PPIL4: variants seen among roughly 807,000 people sequenced by gnomAD.
PPIL4 encodes peptidylprolyl isomerase like 4, also known as peptidyl-prolyl cis-trans isomerase-like 4.
A neutral mutation model predicts 69.1 loss-of-function variants in PPIL4; 50 were observed. The ratio of observed to expected loss-of-function variants is 0.72; its 90% CI spans 0.58 to 0.92. PPIL4 has a LOEUF of 0.92. PPIL4 is among the 40% of genes least tolerant of loss of function. The pLI is 0.00. For missense variants in PPIL4, 480 were observed against 587.9 expected (o/e 0.82, Z 1.90); for synonymous variants, 193 against 191.6 (o/e 1.01, Z -0.06).
At chr6:149,529,177 A>ATG (rs1370798540) in intron 7 of PPIL4, among the ~76,000 whole-genome samples, 1 of 151,874 alleles carries the variant, frequency 6.6e-6, no homozygotes, top group African/African-American at 2.4e-5. Context: ...ATAGTGAGCT[A>ATG]TGACAGCACC....
At chr6:149,538,783 C>A (rs1471160267) in intron 4 of PPIL4, among the ~76,000 whole-genome samples, 23 of 151,750 alleles carry the variant, frequency 1.5e-4, no homozygotes. Flanking sequence ...ATGCTGCAAT[C>A]TCATGATCAA....
rs190030670 is a variant in PPIL4 at position 149,544,638 on chromosome 6, G to C, written c.70+1298C>G. 4.6e-5 allele frequency among the ~76,000 whole-genome samples: 7 copies of C among 152,308 alleles called. No homozygotes were observed. The East Asian group carries it at 1.4e-3, about 29-fold the overall frequency. Reference sequence around the variant, plus strand: ...CAGGTAACTCTGCTTAGAAAGGAGGGAGAGCTTCAAAGAAGAGATGATGCT... The same window carrying C: ...CAGGTAACTCTGCTTAGAAAGGAGGCAGAGCTTCAAAGAAGAGATGATGCT... On this transcript the variant is annotated intron_variant, in intron 1 of 12. Transcript: ENST00000253329.
chr6:149,511,058 C>G (rs758040684), intron 12 of PPIL4, among the ~76,000 whole-genome samples: 4 of 151,966 alleles, frequency 2.6e-5, no homozygotes, highest in Non-Finnish European at 4.4e-5. Context: ...ACAGCAAATC[C>G]TTGACTCTGC....
chr6:149,542,800 T>C (rs925115005), intron 1 of PPIL4, among the ~76,000 whole-genome samples: 11 of 152,164 alleles, frequency 7.2e-5, no homozygotes, highest in African/African-American at 1.4e-4. Context: ...TGGAAGACTA[T>C]GAAAAGGCCT....
chr6:149,536,993 G>C (rs1562262044), intron 4 of PPIL4, among the ~76,000 whole-genome samples: 1 of 152,074 alleles, frequency 6.6e-6, no homozygotes, highest in Non-Finnish European at 1.5e-5. Flanking sequence ...AGGCATGGTG[G>C]CGTGTGCCTG....
intron 11 of PPIL4, among the ~76,000 whole-genome samples, chr6:149,515,551 T>C (rs1047110275): frequency 6.6e-6 from 1 of 152,246 alleles, no homozygotes; most frequent in African/African-American, 2.4e-5. Flanking sequence ...GGTAATTATT[T>C]AATGTCTGGT....
intron 11 of PPIL4, among the ~76,000 whole-genome samples, chr6:149,514,877 C>G (rs553449689): frequency 1.3e-5 from 2 of 151,460 alleles, no homozygotes; most frequent in East Asian, 3.9e-4. Flanking sequence ...ACTCTTGTTG[C>G]CCAGGCTGGA....
chr6:149,517,317 C>T (rs1357184084), intron 11 of PPIL4, 37 bp downstream of exon 11: 1 of 1,100,538 alleles, frequency 9.1e-7, no homozygotes, highest in African/African-American at 1.5e-5. Flanking sequence ...AGCAGATGGT[C>T]AATACATATT....
intron 11 of PPIL4, among the ~76,000 whole-genome samples, chr6:149,512,882 A>AC (rs1226335091): frequency 6.6e-6 from 1 of 151,978 alleles, no homozygotes; most frequent in Non-Finnish European, 1.5e-5. Context: ...AGCTGGGACT[A>AC]CAGGCACATG....
At chr6:149,511,358 T>G (rs994752036) in intron 12 of PPIL4, among the ~76,000 whole-genome samples, 8 of 151,964 alleles carry the variant, frequency 5.3e-5, no homozygotes, top group Admixed American at 6.6e-5. Flanking sequence ...AGCTCCCAAG[T>G]AGCTGAGACC....
intron 11 of PPIL4, 58 bp from the exon 12 acceptor site, chr6:149,512,360 T>C: frequency 1.5e-6 from 2 of 1,338,846 alleles, no homozygotes; most frequent in Non-Finnish European, 2.1e-6. Context: ...CATCAAAACT[T>C]AAGATCTGGT....
intron 10 of PPIL4, 65 bp from the exon 11 acceptor site, chr6:149,517,515 T>C: frequency 1.4e-6 from 1 of 727,222 alleles, no homozygotes; most frequent in Non-Finnish European, 2.2e-6. Flanking sequence ...ACAATAATTA[T>C]TTTATAAAAA....
chr6:149,513,056 C>G (rs1288936309), intron 11 of PPIL4, among the ~76,000 whole-genome samples: 1 of 146,408 alleles, frequency 6.8e-6, no homozygotes, highest in African/African-American at 2.5e-5. Flanking sequence ...TGTTTAAATT[C>G]TAATAAGAAT....
At chr6:149,508,648 A>T (rs748899795) in intron 12 of PPIL4, among the ~76,000 whole-genome samples, 4 of 152,220 alleles carry the variant, frequency 2.6e-5, no homozygotes, top group Non-Finnish European at 5.9e-5. Context: ...AAACACTATG[A>T]AAACCCCAGT....
At chr6:149,535,872 C>T in intron 4 of PPIL4, 134 bp from the exon 5 acceptor site, 1 of 592,876 alleles carries the variant, frequency 1.7e-6, no homozygotes, top group South Asian at 2.6e-5. Context: ...ACACTTGTTA[C>T]CAAAACTAAG....
intron 8 of PPIL4, among the ~76,000 whole-genome samples, chr6:149,526,414 G>A (rs1368529361): frequency 6.6e-6 from 1 of 152,182 alleles, no homozygotes; most frequent in East Asian, 1.9e-4. Context: ...GTTTTAGGGT[G>A]AAAATGTGTT....
chr6:149,515,583 C>T (rs1776932281), intron 11 of PPIL4, among the ~76,000 whole-genome samples: 1 of 152,144 alleles, frequency 6.6e-6, no homozygotes, highest in African/African-American at 2.4e-5. Context: ...ACTCCAACAG[C>T]AAAATGTAAG....
chr6:149,537,711 A>G (rs904804046), intron 4 of PPIL4, among the ~76,000 whole-genome samples: 2 of 151,556 alleles, frequency 1.3e-5, no homozygotes, highest in Non-Finnish European at 2.9e-5. Context: ...ATCTCAAAAA[A>G]AAAAAAAGAA....
At chr6:149,541,715 T>C in intron 1 of PPIL4, 129 bp from the exon 2 acceptor site, 1 of 574,442 alleles carries the variant, frequency 1.7e-6, no homozygotes, top group Non-Finnish European at 3.1e-6. Flanking sequence ...TCCAAAGCTA[T>C]AAAAAAGGGC....
Sources: allele counts gnomAD v4.1 joint callset (sites outside exome capture counted in the v4.1 genomes callset), GRCh38; gene constraint gnomAD v4.1.1; transcripts MANE v1.5; gene names NCBI Gene and HGNC (gene_info 2026-07-23, HGNC 2026-07-21).